Variants in NLGN1 observed in about 807,000 individuals in gnomAD.
NLGN1 encodes the protein neuroligin-1.
NLGN1 carries 12 observed loss-of-function variants against 65.5 expected under a neutral mutation model. That is an observed-to-expected ratio of 0.18 (90% CI 0.12 to 0.30). The LOEUF (loss-of-function observed/expected upper bound fraction) is 0.30. NLGN1 is among the 10% of genes least tolerant of loss of function. The pLI is 1.00. For synonymous variants in NLGN1, 350 were observed against 359.5 expected (o/e 0.97, Z 0.30); for missense variants, 750 against 1,007.1 (o/e 0.74, Z 3.46).
intron 3 of NLGN1, among the ~76,000 whole-genome samples, chr3:173,778,198 A>G (rs1304658039): frequency 6.6e-6 from 1 of 151,844 alleles, no homozygotes; most frequent in Non-Finnish European, 1.5e-5. Flanking sequence ...ATAATTATAT[A>G]CTTACATTGA....
chr3:173,812,286 T>A (rs1268491785), intron 4 of NLGN1, among the ~76,000 whole-genome samples: 11 of 152,218 alleles, frequency 7.2e-5, no homozygotes, highest in Non-Finnish European at 1.3e-4. Flanking sequence ...AAACAAGCTT[T>A]TGTTAACTTC....
At chr3:173,908,951 C>G (rs748115488) in intron 4 of NLGN1, among the ~76,000 whole-genome samples, 1 of 151,984 alleles carries the variant, frequency 6.6e-6, no homozygotes, top group Non-Finnish European at 1.5e-5. Context: ...CATCAACTGG[C>G]CAGACTCAAG....
chr3:173,785,819 A>G (rs566001473), intron 3 of NLGN1, among the ~76,000 whole-genome samples: 62 of 152,290 alleles, frequency 4.1e-4, no homozygotes, highest in African/African-American at 1.5e-3. Flanking sequence ...CTTCTCAAAG[A>G]GAAATTAACA....
chr3:173,970,596 G>A (rs1435223941), intron 4 of NLGN1, among the ~76,000 whole-genome samples: 2 of 152,178 alleles, frequency 1.3e-5, no homozygotes, highest in East Asian at 3.9e-4. Flanking sequence ...TAAAGCTTGA[G>A]GATTTATAGA....
intron 4 of NLGN1, among the ~76,000 whole-genome samples, chr3:173,927,942 C>T (rs1382617699): frequency 6.6e-6 from 1 of 152,006 alleles, no homozygotes. Context: ...TGGTTGTGTC[C>T]GGCACAGTGC....
chr3:173,673,322 T>C (rs544848053), intron 3 of NLGN1, among the ~76,000 whole-genome samples: 40 of 152,332 alleles, frequency 2.6e-4, no homozygotes, highest in African/African-American at 8.9e-4. Context: ...TATGTAACGA[T>C]ATGGTTATGT....
At chr3:173,739,386 C>T (rs990385044) in intron 3 of NLGN1, among the ~76,000 whole-genome samples, 1 of 151,872 alleles carries the variant, frequency 6.6e-6, no homozygotes. Flanking sequence ...TATTTTAACC[C>T]GAACAAAAGG....
chr3:173,746,863 C>T (rs528471867), intron 3 of NLGN1, among the ~76,000 whole-genome samples: 2 of 151,662 alleles, frequency 1.3e-5, no homozygotes, highest in African/African-American at 2.4e-5. Context: ...GGTAACATAA[C>T]AAGATCTTCT....
intron 4 of NLGN1, among the ~76,000 whole-genome samples, chr3:173,879,182 A>C (rs1732751949): frequency 6.6e-6 from 1 of 151,988 alleles, no homozygotes; most frequent in Non-Finnish European, 1.5e-5. Flanking sequence ...CAGTGAGCCG[A>C]GAACACACCA....
At position 174,150,929 on chromosome 3, in the gene NLGN1, A is replaced by G. The variant is rs929146071; in HGVS notation, c.647-124386A>G. The stretch of plus-strand genomic sequence containing the variant: ...AATTACATCAACTACGTCCTCTCAA[A>G]CTAGCCATACTCTATCTAGCAGGCC... On this transcript the variant is annotated intron_variant, in intron 4 of 6. Coordinates refer to ENST00000457714, the Ensembl canonical transcript of NLGN1. 3.2e-4 allele frequency among the ~76,000 whole-genome samples: 49 copies of G among 152,110 alleles called. 1 individual carries two copies. The highest frequency in any genetic ancestry group is 5.7e-4 in the Non-Finnish European group (39 of 67,936).
At chr3:174,217,150 C>A (rs896879115) in intron 4 of NLGN1, among the ~76,000 whole-genome samples, 7 of 152,094 alleles carry the variant, frequency 4.6e-5, no homozygotes, top group Non-Finnish European at 1.0e-4. Context: ...TGGTTTTCAG[C>A]TTGTGACAGC....
intron 4 of NLGN1, among the ~76,000 whole-genome samples, chr3:174,274,571 T>A (rs1334626296): frequency 6.6e-6 from 1 of 151,828 alleles, no homozygotes; most frequent in African/African-American, 2.4e-5. Flanking sequence ...ATTTTCAGAT[T>A]TACTACAAAG....
intron 4 of NLGN1, among the ~76,000 whole-genome samples, chr3:173,815,704 C>T (rs1406031200): frequency 2.0e-5 from 3 of 152,100 alleles, no homozygotes; most frequent in Non-Finnish European, 4.4e-5. Flanking sequence ...CTCTATGATA[C>T]GCCTTAAAGA....
At chr3:173,572,508 G>A (rs1399624717) in intron 2 of NLGN1, among the ~76,000 whole-genome samples, 3 of 152,206 alleles carry the variant, frequency 2.0e-5, no homozygotes, top group African/African-American at 7.2e-5. Flanking sequence ...TTCCAATATT[G>A]CTTGCAATTT....
intron 2 of NLGN1, among the ~76,000 whole-genome samples, chr3:173,533,990 A>G (rs1300869507): frequency 6.6e-6 from 1 of 152,186 alleles, no homozygotes; most frequent in African/African-American, 2.4e-5. Flanking sequence ...TCAAAAAAAG[A>G]AAAGAAAGGC....
At chr3:173,747,057 T>C (rs1775502681) in intron 3 of NLGN1, among the ~76,000 whole-genome samples, 1 of 81,752 alleles carries the variant, frequency 1.2e-5, no homozygotes, top group East Asian at 8.5e-4. Flanking sequence ...AAAAATTATA[T>C]ATACACACAC....
intron 4 of NLGN1, among the ~76,000 whole-genome samples, chr3:174,089,418 T>G (rs894557921): frequency 1.3e-5 from 2 of 152,168 alleles, no homozygotes; most frequent in Admixed American, 6.5e-5. Context: ...TGGTCTCTGC[T>G]TCAGGTTTGA....
At chr3:173,920,262 C>T (rs924412470) in intron 4 of NLGN1, among the ~76,000 whole-genome samples, 9 of 152,026 alleles carry the variant, frequency 5.9e-5, no homozygotes, top group African/African-American at 1.9e-4. Context: ...ATAAGTGGCC[C>T]TTTGGATTGA....
chr3:174,220,072 T>A (rs1738353517), intron 4 of NLGN1, among the ~76,000 whole-genome samples: 1 of 120,434 alleles, frequency 8.3e-6, no homozygotes, highest in Admixed American at 9.2e-5. Flanking sequence ...GTCCACAAAG[T>A]CTAAAGAGAG....
Sources: allele counts gnomAD v4.1 joint callset (sites outside exome capture counted in the v4.1 genomes callset), GRCh38; gene constraint gnomAD v4.1.1; transcripts MANE v1.5; gene names NCBI Gene and HGNC (gene_info 2026-07-23, HGNC 2026-07-21).